The following XKR9 variants were observed in gnomAD, a reference collection of about 807,000 sequenced individuals.
The protein encoded by XKR9 is XK related 9.
A neutral mutation model predicts 32.0 loss-of-function variants in XKR9; 32 were observed. The observed-to-expected ratio is 1.00, with a 90% CI of 0.76 to 1.34. The LOEUF (loss-of-function observed/expected upper bound fraction) is 1.34. Ranked by LOEUF, XKR9 falls within the 40% of genes most tolerant of loss-of-function variation. XKR9 has a pLI of 0.00. For synonymous variants in XKR9, 168 were observed against 143.4 expected, an observed-to-expected ratio of 1.17 and a Z score of -1.22; for missense variants, 546 against 429.7, an observed-to-expected ratio of 1.27 and a Z score of -2.39.
At chr8:70,866,123 C>T in the XKR9 span, among the ~76,000 whole-genome samples, 1 of 152,170 alleles carries the variant, frequency 6.6e-6, no homozygotes, top group African/African-American at 2.4e-5. Context: ...GTGTGGGATG[C>T]TTTGCATGTA....
intron 4 of XKR9, among the ~76,000 whole-genome samples, chr8:70,729,250 TAG>T (rs1422750257): frequency 2.6e-5 from 4 of 152,178 alleles, no homozygotes; most frequent in Admixed American, 2.0e-4. Context: ...GTTTCCAAGG[TAG>T]AGAGACAAAT....
chr8:70,784,014 A>G (rs1807650064), intron 2 of XKR9, among the ~76,000 whole-genome samples: 2 of 152,168 alleles, frequency 1.3e-5, no homozygotes, highest in Non-Finnish European at 2.9e-5. Context: ...TTGACCATAT[A>G]TACATGAGTT....
the XKR9 span, among the ~76,000 whole-genome samples, chr8:70,986,772 A>C: frequency 1.1e-4 from 17 of 152,224 alleles, no homozygotes; most frequent in African/African-American, 3.9e-4. Flanking sequence ...AACTCCAGGC[A>C]GACTCAGTAC....
At chr8:70,709,539 A>G (rs1337563924) in intron 4 of XKR9, among the ~76,000 whole-genome samples, 1 of 152,186 alleles carries the variant, frequency 6.6e-6, no homozygotes. Context: ...ATATGATTCT[A>G]TACCTAGAAC....
chr8:70,985,777 T>C, the XKR9 span, among the ~76,000 whole-genome samples: 1 of 152,006 alleles, frequency 6.6e-6, no homozygotes, highest in Non-Finnish European at 1.5e-5. Flanking sequence ...TTTTAGGCAA[T>C]CATTTTATTC....
At chr8:70,875,985 CATAAGCAT>C in the XKR9 span, among the ~76,000 whole-genome samples, 2 of 152,046 alleles carry the variant, frequency 1.3e-5, no homozygotes, top group Non-Finnish European at 2.9e-5. Flanking sequence ...CACATAAACA[CATAAGCAT>C]ATTTAATACA....
chr8:70,743,254 T>C (rs1443162912), intron 2 of XKR9, among the ~76,000 whole-genome samples: 1 of 152,148 alleles, frequency 6.6e-6, no homozygotes, highest in Non-Finnish European at 1.5e-5. Flanking sequence ...TTTTTATGGT[T>C]TCTATTTCTT....
chr8:70,711,896 G>T (rs1163740783), intron 4 of XKR9, among the ~76,000 whole-genome samples: 1 of 130,814 alleles, frequency 7.6e-6, no homozygotes, highest in Non-Finnish European at 1.7e-5. Context: ...TCACTACCTG[G>T]GTGAGGAAAT....
the XKR9 span, among the ~76,000 whole-genome samples, chr8:70,860,057 C>T: frequency 6.6e-6 from 1 of 152,106 alleles, no homozygotes; most frequent in African/African-American, 2.4e-5. Flanking sequence ...CTGACTTGAT[C>T]GTTACACATT....
the XKR9 span, among the ~76,000 whole-genome samples, chr8:70,854,117 G>T: frequency 6.6e-6 from 1 of 152,166 alleles, no homozygotes; most frequent in African/African-American, 2.4e-5. Flanking sequence ...CTTCCACAAT[G>T]GTTGAACTAG....
At chr8:70,967,065 C>CTTTGTTTTTTTTTTTTTT in the XKR9 span, among the ~76,000 whole-genome samples, 1 of 101,292 alleles carries the variant, frequency 9.9e-6, no homozygotes, top group Non-Finnish European at 2.0e-5. Flanking sequence ...GATCTTGACT[C>CTTTGTTTTTTTTTTTTTT]TTTTTTTTTT....
At chr8:70,819,598 T>C in the XKR9 span, among the ~76,000 whole-genome samples, 1 of 152,220 alleles carries the variant, frequency 6.6e-6, no homozygotes, top group Non-Finnish European at 1.5e-5. Flanking sequence ...TGAGCCTCAA[T>C]TTCCTTACAT....
At chr8:70,824,371 C>T in the XKR9 span, among the ~76,000 whole-genome samples, 15 of 152,026 alleles carry the variant, frequency 9.9e-5, no homozygotes, top group Non-Finnish European at 1.9e-4. Flanking sequence ...TTTGCTATTT[C>T]CCTTCTTTTT....
chr8:71,010,463 A>G, the XKR9 span, among the ~76,000 whole-genome samples: 7 of 152,184 alleles, frequency 4.6e-5, no homozygotes, highest in African/African-American at 7.2e-5. Context: ...TCTATGCAAC[A>G]TAGGATGTTG....
the XKR9 span, among the ~76,000 whole-genome samples, chr8:70,925,378 G>A: frequency 3.7e-4 from 56 of 152,234 alleles, no homozygotes; most frequent in African/African-American, 1.3e-3. Flanking sequence ...ATAAGGCAGT[G>A]GTCAGGCTAG....
the XKR9 span, among the ~76,000 whole-genome samples, chr8:70,988,088 A>G: frequency 6.6e-6 from 1 of 152,074 alleles, no homozygotes; most frequent in African/African-American, 2.4e-5. Flanking sequence ...CAATGAAACA[A>G]CTTTTCCTCC....
At chr8:70,795,794 G>C in the XKR9 span, among the ~76,000 whole-genome samples, 29 of 151,898 alleles carry the variant, frequency 1.9e-4, no homozygotes, top group Non-Finnish European at 3.1e-4. Context: ...TTTGAAAACT[G>C]TCTGTTCATG....
At chr8:70,940,247 G>A in the XKR9 span, among the ~76,000 whole-genome samples, 2 of 151,952 alleles carry the variant, frequency 1.3e-5, no homozygotes, top group Admixed American at 1.3e-4. Context: ...TTCTTTCCAT[G>A]TATGTTGCCA....
chr8:70,736,329 G>A (rs919528240), downstream of XKR9, among the ~76,000 whole-genome samples: 8 of 150,316 alleles, frequency 5.3e-5, no homozygotes, highest in African/African-American at 1.7e-4. Flanking sequence ...GTTTTTTCTT[G>A]TAAATTTGTT....
Sources: gnomAD v4.1 joint callset for allele counts (sites outside exome capture counted in the v4.1 genomes callset) on GRCh38, gnomAD v4.1.1 for gene constraint, MANE v1.5 for transcripts, NCBI Gene and HGNC (gene_info 2026-07-23, HGNC 2026-07-21) for gene names.